The following CACNA2D3 variants were observed in gnomAD, a reference collection of about 807,000 sequenced individuals.
The protein encoded by CACNA2D3 is voltage-dependent calcium channel subunit alpha-2/delta-3.
A neutral mutation model predicts 160.6 loss-of-function variants in CACNA2D3; 60 were observed. The observed-to-expected ratio is 0.37, with a 90% confidence interval of 0.30 to 0.46. The LOEUF is 0.46. CACNA2D3 is among the 20% of genes least tolerant of loss of function. The probability of loss-of-function intolerance (pLI) is 1.00; values close to 1 mark genes in which losing one functional copy is unlikely to be tolerated. For missense variants in CACNA2D3, 1,205 were observed against 1,365.0 expected, an observed-to-expected ratio of 0.88 and a Z score of 1.85; for synonymous variants, 558 against 492.9, an observed-to-expected ratio of 1.13 and a Z score of -1.75.
intron 13 of CACNA2D3, among the ~76,000 whole-genome samples, chr3:54,774,987 T>C (rs1702399846): frequency 6.6e-6 from 1 of 152,192 alleles, no homozygotes; most frequent in Non-Finnish European, 1.5e-5. Context: ...CTCTACATGG[T>C]GCCAAAAATG....
intron 11 of CACNA2D3, among the ~76,000 whole-genome samples, chr3:54,704,470 G>A (rs1700821382): frequency 1.3e-5 from 2 of 151,910 alleles, no homozygotes; most frequent in South Asian, 4.2e-4. Context: ...TTAATACCTG[G>A]CTAATAGGTT....
intron 4 of CACNA2D3, among the ~76,000 whole-genome samples, chr3:54,483,455 C>T (rs893103029): frequency 3.3e-5 from 5 of 152,206 alleles, no homozygotes; most frequent in Non-Finnish European, 2.9e-5. Flanking sequence ...GTTGTTTTCT[C>T]TTGCCACAGA....
At chr3:54,752,769 T>G (rs1701885783) in intron 12 of CACNA2D3, 92 bp downstream of exon 12, 4 of 899,466 alleles carry the variant, frequency 4.4e-6, no homozygotes, top group Non-Finnish European at 7.2e-6. Context: ...GTTCTAATAA[T>G]TCTAAGATAA....
chr3:54,142,861 A>G (rs775059262), intron 2 of CACNA2D3, among the ~76,000 whole-genome samples: 4 of 152,344 alleles, frequency 2.6e-5, no homozygotes, highest in Non-Finnish European at 5.9e-5. Context: ...TGTAACCACT[A>G]TACTATACTT....
chr3:54,353,591 C>T (rs1698601391), intron 3 of CACNA2D3, among the ~76,000 whole-genome samples: 1 of 152,130 alleles, frequency 6.6e-6, no homozygotes, highest in Non-Finnish European at 1.5e-5. Context: ...GCGCCCCCTC[C>T]CTGCCACCCA....
chr3:54,252,657 C>G (rs1159324512), intron 2 of CACNA2D3, among the ~76,000 whole-genome samples: 1 of 152,196 alleles, frequency 6.6e-6, no homozygotes, highest in Non-Finnish European at 1.5e-5. Flanking sequence ...TCTGTGCTCT[C>G]TGCTCTGTTC....
At chr3:54,233,483 G>A (rs1265768185) in intron 2 of CACNA2D3, among the ~76,000 whole-genome samples, 6 of 152,190 alleles carry the variant, frequency 3.9e-5, no homozygotes, top group East Asian at 1.9e-4. Context: ...AAGTGGATGC[G>A]TCCGAGCATA....
intron 4 of CACNA2D3, among the ~76,000 whole-genome samples, chr3:54,452,475 T>C (rs918751783): frequency 2.0e-5 from 3 of 152,222 alleles, no homozygotes; most frequent in Non-Finnish European, 2.9e-5. Flanking sequence ...AGTAGCTCTT[T>C]CTACAGTTTT....
intron 14 of CACNA2D3, among the ~76,000 whole-genome samples, chr3:54,822,545 T>C (rs1703628504): frequency 6.6e-6 from 1 of 152,120 alleles, no homozygotes; most frequent in Admixed American, 6.6e-5. Context: ...CATGGCCCTA[T>C]CCAACTTTGC....
At chr3:54,807,138 G>T (rs2106687963) in intron 13 of CACNA2D3, among the ~76,000 whole-genome samples, 1 of 152,246 alleles carries the variant, frequency 6.6e-6, no homozygotes, top group East Asian at 1.9e-4. Context: ...CAGGACATAG[G>T]CATGGGCAAG....
intron 27 of CACNA2D3, chr3:54,924,968 GGAATT>G (rs755834477): frequency 1.2e-6 from 2 of 1,611,160 alleles, no homozygotes; most frequent in Non-Finnish European, 1.7e-6. Context: ...GATTTGAAAG[GGAATT>G]GTTGGACAAG....
chr3:54,755,952 G>C (rs1295620644), intron 12 of CACNA2D3, among the ~76,000 whole-genome samples: 1 of 152,108 alleles, frequency 6.6e-6, no homozygotes, highest in South Asian at 2.1e-4. Flanking sequence ...TGAAATTGAA[G>C]TCTTGTCTTA....
chr3:54,466,860 G>T (rs528991444), intron 4 of CACNA2D3, among the ~76,000 whole-genome samples: 38 of 152,258 alleles, frequency 2.5e-4, no homozygotes, highest in African/African-American at 7.9e-4. Context: ...GTGTTGAAAG[G>T]TTTGCTTCAT....
rs148778728 is a variant in CACNA2D3, at chr3:55,006,787, T to C, written c.2767-1003T>C. 1.9e-3 allele frequency among the ~76,000 whole-genome samples: 289 copies of C among 152,284 alleles called. 2 individuals carry two copies. The highest frequency in any genetic ancestry group is 6.3e-3 in the African/African-American group (263 of 41,516). On this transcript the variant is annotated intron_variant, in intron 32 of 37. Coordinates refer to ENST00000474759, the MANE Select transcript of CACNA2D3 (RefSeq NM_018398.3). ...TGATTGGGGGCATGTAAATTTGTTC[T>C]TGTTTCATTTAAAACTGGATAATTC...
intron 4 of CACNA2D3, among the ~76,000 whole-genome samples, chr3:54,431,412 A>G (rs900847398): frequency 7.2e-5 from 11 of 152,136 alleles, no homozygotes; most frequent in Admixed American, 1.3e-4. Flanking sequence ...AAGTGGATCA[A>G]TCATAAAGGT....
intron 27 of CACNA2D3, among the ~76,000 whole-genome samples, chr3:54,927,198 T>G (rs953408295): frequency 6.6e-6 from 1 of 152,208 alleles, no homozygotes; most frequent in African/African-American, 2.4e-5. Context: ...TTGAGCCTTT[T>G]CCCCTTTCTT....
chr3:54,155,185 G>C (rs1208783240), intron 2 of CACNA2D3, among the ~76,000 whole-genome samples: 4 of 152,150 alleles, frequency 2.6e-5, no homozygotes, highest in African/African-American at 9.7e-5. Context: ...TGGTTTAGTG[G>C]TCAGCATGCT....
At chr3:54,843,746 T>C (rs553361828) in intron 16 of CACNA2D3, among the ~76,000 whole-genome samples, 12 of 152,300 alleles carry the variant, frequency 7.9e-5, no homozygotes, top group African/African-American at 2.6e-4. Flanking sequence ...TGAATTAATA[T>C]AGTAGTGGTA....
intron 4 of CACNA2D3, among the ~76,000 whole-genome samples, chr3:54,462,304 A>G (rs1700521598): frequency 6.6e-6 from 1 of 152,196 alleles, no homozygotes; most frequent in Non-Finnish European, 1.5e-5. Flanking sequence ...CACTTGGTGC[A>G]GAGCTGAGTT....
Sources: allele counts gnomAD v4.1 joint callset (sites outside exome capture counted in the v4.1 genomes callset), GRCh38; gene constraint gnomAD v4.1.1; transcripts MANE v1.5; gene names NCBI Gene and HGNC (gene_info 2026-07-23, HGNC 2026-07-21).